The following LRMDA variants were observed in gnomAD, a reference collection of about 807,000 sequenced individuals.
The protein encoded by LRMDA is leucine-rich melanocyte differentiation-associated protein.
LRMDA carries 18 observed loss-of-function variants against 29.8 expected under a neutral mutation model. That is an observed-to-expected ratio of 0.60 (90% CI 0.42 to 0.90). The LOEUF (loss-of-function observed/expected upper bound fraction) is 0.90, where lower values mean the gene tolerates loss of function less well. Among genes scored for constraint, LRMDA ranks in the 40% least tolerant of loss-of-function variants. LRMDA has a pLI of 0.00. For synonymous variants in LRMDA, 125 were observed against 109.4 expected (o/e 1.14, Z -0.89); for missense variants, 273 against 273.9 (o/e 1.00, Z 0.02).
At chr10:76,119,072 T>C (rs1260913114) in intron 5 of LRMDA, among the ~76,000 whole-genome samples, 1 of 152,190 alleles carries the variant, frequency 6.6e-6, no homozygotes, top group Admixed American at 6.5e-5. Context: ...AATTAGTCCC[T>C]GTAGAAAGGA....
chr10:75,691,152 A>ATAATAGATATATAGATCTATATATCTATG (rs1842148418), intron 2 of LRMDA, among the ~76,000 whole-genome samples: 1 of 62,794 alleles, frequency 1.6e-5, no homozygotes, highest in Non-Finnish European at 2.5e-5. Context: ...ATATATCTAT[A>ATAATAGATATATAGATCTATATATCTATG]TACATAGATA....
chr10:75,830,304 GT>G (rs911639743), intron 2 of LRMDA, among the ~76,000 whole-genome samples: 5 of 152,254 alleles, frequency 3.3e-5, no homozygotes, highest in African/African-American at 1.2e-4. Flanking sequence ...TATGCCAGGG[GT>G]TTGGGCCCTG....
intron 2 of LRMDA, among the ~76,000 whole-genome samples, chr10:75,709,954 C>T (rs182832056): frequency 6.6e-6 from 1 of 152,266 alleles, no homozygotes; most frequent in Non-Finnish European, 1.5e-5. Flanking sequence ...CCTGTTGTGG[C>T]TGGAAGGGAA....
intron 2 of LRMDA, among the ~76,000 whole-genome samples, chr10:75,493,349 GT>G (rs1845009000): frequency 6.3e-4 from 2 of 3,176 alleles, no homozygotes; most frequent in Admixed American, 2.8e-3. Context: ...TTGAGATTGG[GT>G]GTGTGTGTGT....
intron 4 of LRMDA, among the ~76,000 whole-genome samples, chr10:76,050,500 A>G (rs1490912346): frequency 1.3e-5 from 2 of 152,224 alleles, no homozygotes; most frequent in Non-Finnish European, 2.9e-5. Flanking sequence ...ATCATAGTTC[A>G]TGGCTGAGAA....
chr10:76,397,552 C>T lies in LRMDA; in HGVS notation c.601+73067C>T, dbSNP rs193121567. 5.9e-5 allele frequency among the ~76,000 whole-genome samples: 9 copies of T among 152,342 alleles called. No homozygotes were observed. The East Asian group carries it at 1.2e-3, about 20-fold the overall frequency. ...TAAAAGTCTCCCTTCCAAAACCACACGGCATAATTTATTTTACGATTCCCT... is the reference window on the plus strand; with the variant it reads ...TAAAAGTCTCCCTTCCAAAACCACATGGCATAATTTATTTTACGATTCCCT... On this transcript the variant is annotated intron_variant, in intron 6 of 6. Coordinates refer to ENST00000611255, the MANE Select transcript of LRMDA (RefSeq NM_001305581.2).
In LRMDA at chr10:76,072,745, G is replaced by A. The variant is rs74147635; in HGVS notation, c.516+13962G>A. ...CTTTCCTGTTCCCAGAGATGAAAGG[G>A]AGGTGTGCAACACTGTTCCTTCTTG... On this transcript the variant is annotated intron_variant, in intron 5 of 6. Transcript: ENST00000611255. Among the ~76,000 whole-genome samples, 198 of 152,338 alleles carry A rather than the reference G, an allele frequency of 1.3e-3. 1 individual carries two copies. The highest frequency in any genetic ancestry group is 4.6e-3 in the African/African-American group (193 of 41,580).
chr10:75,616,252 CA>C (rs967618647), intron 2 of LRMDA, among the ~76,000 whole-genome samples: 4 of 143,726 alleles, frequency 2.8e-5, no homozygotes, highest in Non-Finnish European at 6.1e-5. Context: ...GCAGCAGTAG[CA>C]GCAGCAGCAG....
At chr10:75,509,835 G>T (rs1047215367) in intron 2 of LRMDA, among the ~76,000 whole-genome samples, 1 of 152,220 alleles carries the variant, frequency 6.6e-6, no homozygotes, top group Non-Finnish European at 1.5e-5. Flanking sequence ...ATCTCCCGGT[G>T]TGTGGATGAA....
chr10:76,201,507 C>T (rs1339795302), intron 5 of LRMDA, among the ~76,000 whole-genome samples: 3 of 152,206 alleles, frequency 2.0e-5, no homozygotes, highest in Non-Finnish European at 4.4e-5. Context: ...CTTCCAAATC[C>T]GTTGTCCAGC....
chr10:76,344,350 GAAAAAA>G (rs956101680), intron 6 of LRMDA, among the ~76,000 whole-genome samples: 1 of 151,242 alleles, frequency 6.6e-6, no homozygotes, highest in Non-Finnish European at 1.5e-5. Flanking sequence ...ATATCTCCAA[GAAAAAA>G]AACCCACAAA....
Position 75,797,585 on chromosome 10 carries a change from G to A in LRMDA, c.132-238423G>A, listed in dbSNP as rs115393257. On this transcript the variant is annotated intron_variant, in intron 2 of 6. Transcript: ENST00000611255. The stretch of plus-strand genomic sequence containing the variant: ...CCCCAACTCTAGATAACCAAAACAA[G>A]TTACTGTTACAATTGATTTGCTTTT... Among the ~76,000 whole-genome samples, 135 of 152,122 alleles carry A rather than the reference G, an allele frequency of 8.9e-4. 1 individual carries two copies. Among genetic ancestry groups the A allele is most frequent in the African/African-American group, 3.2e-3 (131 of 41,506 alleles).
chr10:75,464,872 G>A (rs183973887), intron 2 of LRMDA, among the ~76,000 whole-genome samples: 12 of 152,288 alleles, frequency 7.9e-5, no homozygotes, highest in Middle Eastern at 6.8e-3. Flanking sequence ...CATGACTCAA[G>A]AGAGCACAAA....
At chr10:76,157,855 G>A (rs1022012876) in intron 5 of LRMDA, among the ~76,000 whole-genome samples, 1 of 152,110 alleles carries the variant, frequency 6.6e-6, no homozygotes, top group African/African-American at 2.4e-5. Flanking sequence ...AGATGGTATA[G>A]CATGCAATAC....
intron 2 of LRMDA, among the ~76,000 whole-genome samples, chr10:76,003,008 A>G (rs1847586967): frequency 6.6e-6 from 1 of 152,204 alleles, no homozygotes; most frequent in Non-Finnish European, 1.5e-5. Context: ...ACACAAACGG[A>G]AATGATGAGT....
intron 2 of LRMDA, among the ~76,000 whole-genome samples, chr10:75,845,835 C>A (rs1020794664): frequency 3.3e-5 from 5 of 152,088 alleles, no homozygotes; most frequent in Non-Finnish European, 7.4e-5. Context: ...AATAAAAGAA[C>A]CACATGGGGG....
chr10:75,747,410 CAT>C (rs1182064554), intron 2 of LRMDA, among the ~76,000 whole-genome samples: 2 of 152,038 alleles, frequency 1.3e-5, no homozygotes, highest in African/African-American at 2.4e-5. Context: ...CTGAGAAAAA[CAT>C]GTGGTTAACA....
chr10:75,700,781 G>A (rs913138352), intron 2 of LRMDA, among the ~76,000 whole-genome samples: 2 of 152,058 alleles, frequency 1.3e-5, no homozygotes, highest in Non-Finnish European at 2.9e-5. Context: ...GGGTGGGTGG[G>A]TGAATGGATG....
intron 2 of LRMDA, among the ~76,000 whole-genome samples, chr10:75,857,050 G>T (rs1306839266): frequency 6.6e-6 from 1 of 152,130 alleles, no homozygotes; most frequent in African/African-American, 2.4e-5. Flanking sequence ...AGACAAAAAT[G>T]AGCGATTTAA....
Sources: gnomAD v4.1 joint callset for allele counts (sites outside exome capture counted in the v4.1 genomes callset) on GRCh38, gnomAD v4.1.1 for gene constraint, MANE v1.5 for transcripts, NCBI Gene and HGNC (gene_info 2026-07-23, HGNC 2026-07-21) for gene names.